Variants in SLC44A1 observed in about 807,000 individuals in gnomAD.
The protein encoded by SLC44A1 is choline transporter-like protein 1.
Under a neutral mutation model 79.3 loss-of-function variants are expected in SLC44A1, and 26 were observed. That is an observed-to-expected ratio of 0.33 (90% CI 0.24 to 0.46). The LOEUF is 0.46. Ranked by LOEUF, SLC44A1 falls within the 20% of genes least tolerant of loss-of-function variation. The pLI is 1.00. For synonymous variants in SLC44A1, 263 were observed against 286.2 expected (o/e 0.92, Z 0.82); for missense variants, 688 against 798.1 (o/e 0.86, Z 1.66).
chr9:105,375,588 G>GA (rs1828254367), intron 13 of SLC44A1, among the ~76,000 whole-genome samples: 1 of 152,154 alleles, frequency 6.6e-6, no homozygotes, highest in Admixed American at 6.5e-5. Flanking sequence ...GGGTATCTAG[G>GA]AGAGTGCTTG....
intron 15 of SLC44A1, among the ~76,000 whole-genome samples, chr9:105,428,480 A>G (rs935461870): frequency 6.6e-6 from 1 of 152,226 alleles, no homozygotes; most frequent in Non-Finnish European, 1.5e-5. Flanking sequence ...GTGATCAACC[A>G]CATCTGGGTT....
chr9:105,332,855 C>T (rs946337317), intron 3 of SLC44A1, among the ~76,000 whole-genome samples: 4 of 152,058 alleles, frequency 2.6e-5, no homozygotes, highest in East Asian at 1.9e-4. Flanking sequence ...GGTAATGACA[C>T]GAATCACTGA....
chr9:105,265,949 C>G (rs1252396914), intron 1 of SLC44A1, among the ~76,000 whole-genome samples: 1 of 150,540 alleles, frequency 6.6e-6, no homozygotes, highest in Non-Finnish European at 1.5e-5. Flanking sequence ...TGCTCTCTCT[C>G]TCTCTTTCTC....
intron 15 of SLC44A1, among the ~76,000 whole-genome samples, chr9:105,406,775 T>C (rs1427391517): frequency 6.6e-6 from 1 of 152,122 alleles, no homozygotes; most frequent in Non-Finnish European, 1.5e-5. Context: ...GAAACTGTCT[T>C]TGAAGAAGCC....
At chr9:105,295,842 A>G (rs1830709122) in intron 1 of SLC44A1, among the ~76,000 whole-genome samples, 1 of 152,172 alleles carries the variant, frequency 6.6e-6, no homozygotes, top group Non-Finnish European at 1.5e-5. Context: ...GAGTTTCCTC[A>G]TCTGTGAAAT....
At chr9:105,284,027 G>A (rs1241873851) in intron 1 of SLC44A1, among the ~76,000 whole-genome samples, 1 of 152,124 alleles carries the variant, frequency 6.6e-6, no homozygotes, top group African/African-American at 2.4e-5. Flanking sequence ...ACGTCTGCAT[G>A]AGAAGCTAGG....
At position 105,397,213 on chromosome 9, in the gene SLC44A1, A is replaced by C; in HGVS notation, c.*8157A>C. The C allele has an allele frequency of 1.0e-6, 1 of 985,380 alleles. No individual in the cohort carries two copies. The highest frequency in any genetic ancestry group is 4.7e-5 in the South Asian group (1 of 21,284). The allele number at this position is 985,380 out of a possible 1,614,324, so 61.0% of individuals were successfully genotyped here. A position where few individuals can be genotyped will look rare whatever the true frequency, so the allele number is the denominator to read the frequency against. On this transcript the variant is annotated 3_prime_UTR_variant, in exon 16 of 16. Coordinates refer to ENST00000374720, the MANE Select transcript of SLC44A1 (RefSeq NM_080546.5). ...TTCTTGTGCAGAAATACGAACTAGAAAGAAAAGTGCTGATCTAATGCTAAG... is the reference window on the plus strand; with the variant it reads ...TTCTTGTGCAGAAATACGAACTAGACAGAAAAGTGCTGATCTAATGCTAAG...
intron 15 of SLC44A1, among the ~76,000 whole-genome samples, chr9:105,424,580 C>A (rs1829295498): frequency 6.6e-6 from 1 of 152,122 alleles, no homozygotes; most frequent in South Asian, 2.1e-4. Context: ...AGGATATGAT[C>A]CCATTAGATC....
At chr9:105,422,554 G>A (rs1829268200) in intron 15 of SLC44A1, among the ~76,000 whole-genome samples, 1 of 152,018 alleles carries the variant, frequency 6.6e-6, no homozygotes, top group South Asian at 2.1e-4. Context: ...CCAAAGTGCT[G>A]GGATTACAGG....
At chr9:105,363,975 C>T (rs1827863068) in intron 9 of SLC44A1, among the ~76,000 whole-genome samples, 1 of 152,062 alleles carries the variant, frequency 6.6e-6, no homozygotes. Context: ...TACTTACTTC[C>T]TTGGGATTTT....
At position 105,397,257 on chromosome 9, in the gene SLC44A1, T is replaced by G. The variant is rs1402948941; in HGVS notation, c.*8201T>G. ...TGCTAAGTTTTCTCTGTGTACTGACTCAGTTGCCAGAATTATAATGAAAAC... is the reference window on the plus strand; with the variant it reads ...TGCTAAGTTTTCTCTGTGTACTGACGCAGTTGCCAGAATTATAATGAAAAC... On this transcript the variant is annotated 3_prime_UTR_variant, in exon 16 of 16. Coordinates refer to ENST00000374720, the MANE Select transcript of SLC44A1 (RefSeq NM_080546.5). 2.0e-6 allele frequency: 2 copies of G among 985,064 alleles called. No individual in the cohort carries two copies. The highest frequency in any genetic ancestry group is 2.4e-6 in the Non-Finnish European group (2 of 829,710). 61.0% of individuals were successfully genotyped at this position (985,064 alleles called of 1,614,324 possible). A position where few individuals can be genotyped will look rare whatever the true frequency, so the allele number is the denominator to read the frequency against.
Position 105,397,192 on chromosome 9 carries a change from T to G in SLC44A1, c.*8136T>G. ...AAACGGAGCTTTGAAATGTTTTTCT[T>G]GTGCAGAAATACGAACTAGAAAGAA... On this transcript the variant is annotated 3_prime_UTR_variant, in exon 16 of 16. Coordinates refer to ENST00000374720, the MANE Select transcript of SLC44A1 (RefSeq NM_080546.5). 1 of 985,388 alleles carries G rather than the reference T, an allele frequency of 1.0e-6. No homozygotes were observed. Among genetic ancestry groups the G allele is most frequent in the Non-Finnish European group, 1.2e-6 (1 of 829,902 alleles). 61.0% of individuals were successfully genotyped at this position (985,388 alleles called of 1,614,324 possible). A position where few individuals can be genotyped will look rare whatever the true frequency, so the allele number is the denominator to read the frequency against.
At position 105,244,659 on chromosome 9, in the gene SLC44A1, AGCCGCCGTC is replaced by A; in HGVS notation, c.-202_-194del. The A allele has an allele frequency of 4.1e-6, 1 of 246,540 alleles. No homozygotes were observed. Among genetic ancestry groups the A allele is most frequent in the East Asian group, 7.5e-5 (1 of 13,272 alleles). The allele number at this position is 246,540 out of a possible 1,614,324, so 15.3% of individuals were successfully genotyped here. A position where few individuals can be genotyped will look rare whatever the true frequency, so the allele number is the denominator to read the frequency against. On this transcript the variant is annotated 5_prime_UTR_variant, in exon 1 of 16. Coordinates refer to ENST00000374720, the MANE Select transcript of SLC44A1 (RefSeq NM_080546.5). Reference sequence around the variant, plus strand: ...AGCAGGAGCAGAGCAGGAGACGCGTAGCCGCCGTCGCCGCCGCCGGGGGATGTGGCCGGC... The same window carrying A: ...AGCAGGAGCAGAGCAGGAGACGCGTAGCCGCCGCCGGGGGATGTGGCCGGC...
intron 1 of SLC44A1, among the ~76,000 whole-genome samples, chr9:105,290,170 G>A (rs886138929): frequency 3.3e-5 from 5 of 152,150 alleles, no homozygotes; most frequent in Non-Finnish European, 2.9e-5. Flanking sequence ...ATTGGAGTAA[G>A]AATCTTATAT....
intron 3 of SLC44A1, among the ~76,000 whole-genome samples, chr9:105,334,034 G>T (rs1826834088): frequency 6.6e-6 from 1 of 152,144 alleles, no homozygotes; most frequent in Non-Finnish European, 1.5e-5. Flanking sequence ...TAGAAGAAGG[G>T]AGAATTAGTA....
At chr9:105,399,714 T>A (rs1171908064), downstream of SLC44A1, among the ~76,000 whole-genome samples, 1 of 131,924 alleles carries the variant, frequency 7.6e-6, no homozygotes, top group African/African-American at 2.9e-5. Context: ...ATGTAAATAA[T>A]ATTTAATACA....
At chr9:105,257,593 G>A (rs1422971498) in intron 1 of SLC44A1, among the ~76,000 whole-genome samples, 3 of 152,164 alleles carry the variant, frequency 2.0e-5, no homozygotes, top group Non-Finnish European at 2.9e-5. Flanking sequence ...AATAATTAGA[G>A]GCTAAATTGG....
intron 14 of SLC44A1, among the ~76,000 whole-genome samples, chr9:105,384,484 AT>A (rs1291787919): frequency 2.2e-4 from 33 of 150,228 alleles, no homozygotes; most frequent in Admixed American, 2.0e-3. Context: ...CCCAGCCTAG[AT>A]TTTTTTTTTC....
chr9:105,409,144 A>T (rs974023470), intron 15 of SLC44A1, among the ~76,000 whole-genome samples: 15 of 152,254 alleles, frequency 9.9e-5, no homozygotes, highest in Admixed American at 3.3e-4. Flanking sequence ...AGGCAGAGTT[A>T]GTGGCATAGA....
Sources: allele counts gnomAD v4.1 joint callset (sites outside exome capture counted in the v4.1 genomes callset), GRCh38; gene constraint gnomAD v4.1.1; transcripts MANE v1.5; gene names NCBI Gene and HGNC (gene_info 2026-07-23, HGNC 2026-07-21).